Variants in PCDHGA3 observed in about 807,000 individuals in gnomAD.
PCDHGA3 encodes the protein protocadherin gamma subfamily A, 3.
Under a neutral mutation model 58.5 loss-of-function variants are expected in PCDHGA3, and 40 were observed. The observed-to-expected ratio is 0.68, with a 90% CI of 0.53 to 0.89. The LOEUF (loss-of-function observed/expected upper bound fraction) is 0.89, where lower values mean the gene tolerates loss of function less well. PCDHGA3 is among the 40% of genes least tolerant of loss of function. PCDHGA3 has a pLI of 0.00. For synonymous variants in PCDHGA3, 530 were observed against 525.7 expected, an observed-to-expected ratio of 1.01 and a Z score of -0.11; for missense variants, 1,223 against 1,195.9, an observed-to-expected ratio of 1.02 and a Z score of -0.33.
intron 1 of PCDHGA3, among the ~76,000 whole-genome samples, chr5:141,460,612 T>C (rs1215147315): frequency 6.6e-6 from 1 of 152,128 alleles, no homozygotes; most frequent in African/African-American, 2.4e-5. Flanking sequence ...GTTAGATGGA[T>C]AGATAGACAG....
rs772841329 is a variant in PCDHGA3 at position 141,360,603 on chromosome 5, A to C, written c.2424+14146A>C. ...CAGGTACAACATTTCCACTTGACCC[A>C]GCCCTGGATTCAGATGTTGGTCCTA... On this transcript the variant is annotated intron_variant, in intron 1 of 3. Coordinates refer to ENST00000253812, the MANE Select transcript of PCDHGA3 (RefSeq NM_018916.4). The C allele has an allele frequency of 5.6e-6, 9 of 1,614,056 alleles. No homozygotes were observed. The East Asian group carries it at 2.0e-4, about 36-fold the overall frequency.
chr5:141,486,869 C>G lies in PCDHGA3; in HGVS notation c.2425-7938C>G. On this transcript the variant is annotated intron_variant, in intron 1 of 3. Transcript: ENST00000253812. This position sits in a 1 kb window ranked among gnomAD's most constrained non-coding sequence, Gnocchi z 5.0. ...CCTCAATGACAATGCTCCAGCTGTG[C>G]TCCGTCCTCGGGCCCGGCCTGGTTC... The G allele has an allele frequency of 6.2e-7, 1 of 1,614,246 alleles. No homozygotes were observed. The highest frequency in any genetic ancestry group is 8.5e-7 in the Non-Finnish European group (1 of 1,180,042).
chr5:141,413,272 C>T lies in PCDHGA3; in HGVS notation c.2424+66815C>T, dbSNP rs753942667. Reference sequence around the variant, plus strand: ...CGGGATTCCATGGGAGGCTGGAGCCCGGCAGATCTCCTACTCAATTCCTGA... The same window carrying T: ...CGGGATTCCATGGGAGGCTGGAGCCTGGCAGATCTCCTACTCAATTCCTGA... On this transcript the variant is annotated intron_variant, in intron 1 of 3. Coordinates refer to ENST00000253812, the MANE Select transcript of PCDHGA3 (RefSeq NM_018916.4). 8.1e-6 allele frequency: 13 copies of T among 1,613,944 alleles called. No individual in the cohort carries two copies. In the South Asian group the frequency reaches 1.4e-4, roughly 18 times the overall value.
chr5:141,415,101 C>T, intron 1 of PCDHGA3: 1 of 1,613,550 alleles, frequency 6.2e-7, no homozygotes, highest in South Asian at 1.1e-5. Context: ...GAGACGCGCT[C>T]AAGCAAAGCC....
In PCDHGA3 at chr5:141,443,329, A is replaced by AC. The variant is rs58846402; in HGVS notation, c.2425-51477dup. 1.9e-4 allele frequency among the ~76,000 whole-genome samples: 29 copies of AC among 151,590 alleles called. No individual in the cohort carries two copies. In the East Asian group the frequency reaches 4.3e-3, roughly 22 times the overall value. ...AAACCCATCTCTACAAAAAAAAAAA[A>AC]CAAAAATTAACAAGGTTTAGTGGTC... On this transcript the variant is annotated intron_variant, in intron 1 of 3. Coordinates refer to ENST00000253812, the MANE Select transcript of PCDHGA3 (RefSeq NM_018916.4).
In PCDHGA3 at chr5:141,432,285, C is replaced by A; in HGVS notation, c.2425-62522C>A. On this transcript the variant is annotated intron_variant, in intron 1 of 3. Transcript: ENST00000253812. The surrounding 1 kb of genome is among the most constrained non-coding windows in gnomAD (Gnocchi z 6.0). ...CTATCGTCCTACGTGTCCATCAACTCCGACACTGGGGTACTGTATGCGCTG... is the reference window on the plus strand; with the variant it reads ...CTATCGTCCTACGTGTCCATCAACTACGACACTGGGGTACTGTATGCGCTG... The A allele has an allele frequency of 6.2e-7, 1 of 1,614,262 alleles. No homozygotes were observed. The highest frequency in any genetic ancestry group is 8.5e-7 in the Non-Finnish European group (1 of 1,180,052).
intron 1 of PCDHGA3, chr5:141,409,297 T>G (rs762820320): frequency 1.9e-6 from 3 of 1,614,006 alleles, no homozygotes; most frequent in South Asian, 2.2e-5. Context: ...CAGGAATGGT[T>G]GTTGCCCTCT....
Position 141,487,945 on chromosome 5 carries a change from G to A in PCDHGA3, c.2425-6862G>A, listed in dbSNP as rs2099669554. ...CAGTGCACAGGGTACAGTGCACCAG[G>A]CAGTCACTTGGACAAAGGTGGCTGT... On this transcript the variant is annotated intron_variant, in intron 1 of 3. Transcript: ENST00000253812. This position sits in a 1 kb window ranked among gnomAD's most constrained non-coding sequence, Gnocchi z 5.0. Among the ~76,000 whole-genome samples the A allele has an allele frequency of 6.6e-6, 1 of 152,198 alleles. No individual in the cohort carries two copies. Among genetic ancestry groups the A allele is most frequent in the Non-Finnish European group, 1.5e-5 (1 of 68,036 alleles).
chr5:141,410,730 C>CT (rs1191642079), intron 1 of PCDHGA3: 2 of 1,347,822 alleles, frequency 1.5e-6, no homozygotes, highest in Admixed American at 2.5e-5. Context: ...AAATCCATAG[C>CT]TTTTTACAAT....
At chr5:141,393,650 C>T in intron 1 of PCDHGA3, 2 of 1,613,904 alleles carry the variant, frequency 1.2e-6, no homozygotes, top group South Asian at 1.1e-5. Flanking sequence ...AAGTGGCATA[C>T]AAATTCCGGA....
chr5:141,427,109 C>A lies in PCDHGA3; in HGVS notation c.2425-67698C>A, dbSNP rs141512367. On this transcript the variant is annotated intron_variant, in intron 1 of 3. Coordinates refer to ENST00000253812, the MANE Select transcript of PCDHGA3 (RefSeq NM_018916.4). ...AGGATGAGGGTGTCAATGCGGAGAT[C>A]ACCTACTCTTTCAAATCCCTACGAG... 1,737 of 457,784 alleles carry A rather than the reference C, an allele frequency of 3.8e-3. 17 individuals carry two copies. Among genetic ancestry groups the A allele is most frequent in the Admixed American group, 0.01 (426 of 42,600 alleles). 28.4% of individuals were successfully genotyped at this position (457,784 alleles called of 1,614,324 possible). A position where few individuals can be genotyped will look rare whatever the true frequency, so the allele number is the denominator to read the frequency against.
chr5:141,441,861 C>T (rs3805696), intron 1 of PCDHGA3: 35,405 of 342,650 alleles, frequency 0.1, 2,215 homozygotes, highest in African/African-American at 0.17. Context: ...TGCTGCACGC[C>T]GCGGAGCCTG....
chr5:141,415,026 G>T, intron 1 of PCDHGA3: 2 of 1,613,590 alleles, frequency 1.2e-6, no homozygotes, highest in Non-Finnish European at 1.7e-6. Context: ...AGGCCAGCGA[G>T]CCGGGACTCT....
chr5:141,421,869 A>G lies in PCDHGA3; in HGVS notation c.2425-72938A>G, dbSNP rs200015978. 1.5e-5 allele frequency: 24 copies of G among 1,613,732 alleles called. No individual in the cohort carries two copies. The African/African-American group carries it at 3.1e-4, about 21-fold the overall frequency. ...AGGCTGCTCACCTGCTCCTCCTCAC[A>G]GCTTTAGATGGAGGCGATCCCATCC... On this transcript the variant is annotated intron_variant, in intron 1 of 3. Transcript: ENST00000253812.
chr5:141,393,303 G>A (rs1305361582), intron 1 of PCDHGA3: 5 of 1,613,646 alleles, frequency 3.1e-6, no homozygotes, highest in Non-Finnish European at 3.4e-6. Context: ...GGATGTGGGC[G>A]TGAACTCCCT....
chr5:141,378,022 A>G (rs1411303620), intron 1 of PCDHGA3: 2 of 152,188 alleles, frequency 1.3e-5, no homozygotes, highest in Non-Finnish European at 2.9e-5. Flanking sequence ...TACTTATATT[A>G]TTTTTTAAAA....
At position 141,370,670 on chromosome 5, in the gene PCDHGA3, AGAG is replaced by A. The variant is rs774593251; in HGVS notation, c.2424+24217_2424+24219del. On this transcript the variant is annotated intron_variant, in intron 1 of 3. Coordinates refer to ENST00000253812, the MANE Select transcript of PCDHGA3 (RefSeq NM_018916.4). ...TACTTGTGAGCGACCGTATAGACCGAGAGGAGATTTGTGGCAAGAAGTCGACGT... is the reference window on the plus strand; with the variant it reads ...TACTTGTGAGCGACCGTATAGACCGAGAGATTTGTGGCAAGAAGTCGACGT... The A allele has an allele frequency of 1.4e-5, 22 of 1,613,768 alleles. No homozygotes were observed. In the South Asian group the frequency reaches 1.5e-4, roughly 11 times the overall value.
intron 1 of PCDHGA3, among the ~76,000 whole-genome samples, chr5:141,445,652 A>C (rs1307606419): frequency 6.6e-6 from 1 of 152,212 alleles, no homozygotes; most frequent in African/African-American, 2.4e-5. Context: ...TGAATAGATT[A>C]ATAGGATGAG....
Position 141,368,188 on chromosome 5 carries a change from G to A in PCDHGA3, c.2424+21731G>A, listed in dbSNP as rs528865842. Among the ~76,000 whole-genome samples the A allele has an allele frequency of 2.2e-4, 33 of 152,098 alleles. 1 individual carries two copies. In the South Asian group the frequency reaches 5.6e-3, roughly 26 times the overall value. Reference sequence around the variant, plus strand: ...CAGCTTCAAATAATGACTAAATAAGGGGAAAAGGTAATAAAATATTACAAA... The same window carrying A: ...CAGCTTCAAATAATGACTAAATAAGAGGAAAAGGTAATAAAATATTACAAA... On this transcript the variant is annotated intron_variant, in intron 1 of 3. Coordinates refer to ENST00000253812, the MANE Select transcript of PCDHGA3 (RefSeq NM_018916.4).
Sources: gnomAD v4.1 joint callset for allele counts (sites outside exome capture counted in the v4.1 genomes callset) on GRCh38, gnomAD v4.1.1 for gene constraint, Gnocchi (gnomAD v3.1) non-coding constraint, MANE v1.5 for transcripts, NCBI Gene and HGNC (gene_info 2026-07-23, HGNC 2026-07-21) for gene names.